Variants in ETV3L observed in about 807,000 individuals in gnomAD.
ETV3L encodes ETS translocation variant 3-like protein.
ETV3L carries 30 observed loss-of-function variants against 27.6 expected under a neutral mutation model. That is an observed-to-expected ratio of 1.09 (90% CI 0.81 to 1.48). The LOEUF is 1.48. Among genes scored for constraint, ETV3L ranks in the 40% most tolerant of loss-of-function variants. The pLI is 0.00. For missense variants in ETV3L, 443 were observed against 455.6 expected (o/e 0.97, Z 0.25); for synonymous variants, 186 against 188.9 (o/e 0.98, Z 0.12).
rs548190247 is a variant in ETV3L at position 157,098,756 on chromosome 1, C to G, written c.436G>C (p.Ala146Pro). 5.0e-6 allele frequency: 8 copies of G among 1,612,896 alleles called. No homozygotes were observed. In the East Asian group the frequency reaches 1.3e-4, roughly 27 times the overall value. Residue 146 changes from alanine (A) to proline (P), a missense_variant, in exon 3 of 5, where the codon GCC becomes CCC. Transcript: ENST00000454449. The part of the protein sequence containing the change: ...APPSPHLLLG[A>P]PALCRPALVP... ...AGCGCTGGCCGACACAGGGCAGGGGCCCCCAGCAGCAAGTGGGGGGATGGC... is the reference window on the plus strand; with the variant it reads ...AGCGCTGGCCGACACAGGGCAGGGGGCCCCAGCAGCAAGTGGGGGGATGGC...
chr1:157,099,500 C>T lies in ETV3L; in HGVS notation c.24G>A (p.Glu8=). MHCSCLA[E]GIPANPGNWI... is the part of the protein sequence containing the mutation. ...AGTTGCCGGGGTTGGCTGGGATGCC[C>T]TCAGCCAAGCAGCTGCAGTGCATGG... Residue 8 remains glutamate, a synonymous_variant, in exon 1 of 5, where the codon GAG becomes GAA. Transcript: ENST00000454449. 6.2e-7 allele frequency: 1 copy of T among 1,612,792 alleles called. No homozygotes were observed. The highest frequency in any genetic ancestry group is 8.5e-7 in the Non-Finnish European group (1 of 1,179,548).
chr1:157,092,303 C>G lies in ETV3L; in HGVS notation c.*346G>C, dbSNP rs1674131926. On this transcript the variant is annotated 3_prime_UTR_variant, in exon 5 of 5. Coordinates refer to ENST00000454449, the MANE Select transcript of ETV3L (RefSeq NM_001004341.2). The stretch of plus-strand genomic sequence containing the variant: ...CAAGACTCAGGGAACACAACCACCC[C>G]TGTCCTCTCCCCAGGCTAGACCCTT... 3 of 212,268 alleles carry G rather than the reference C, an allele frequency of 1.4e-5. No individual in the cohort carries two copies. Among genetic ancestry groups the G allele is most frequent in the Non-Finnish European group, 9.5e-6 (1 of 105,764 alleles). 13.1% of individuals were successfully genotyped at this position (212,268 alleles called of 1,614,324 possible).
chr1:157,098,719 C>T lies in ETV3L; in HGVS notation c.473G>A (p.Gly158Asp), dbSNP rs767395485. 7.5e-6 allele frequency: 12 copies of T among 1,603,884 alleles called. No individual in the cohort carries two copies. In the East Asian group the frequency reaches 2.2e-4, roughly 30 times the overall value. ...CTCCGCTCTTACCTCACTCTGCACACCCACGGGCACCAGCGCTGGCCGACA... is the reference window on the plus strand; with the variant it reads ...CTCCGCTCTTACCTCACTCTGCACATCCACGGGCACCAGCGCTGGCCGACA... The part of the protein sequence containing the change: ...ALCRPALVPV[G>D]VQSELLHSML... The change falls in exon 3 of 5, where the codon GGT becomes GAT. Residue 158 changes from glycine (G) to aspartate (D), a missense_variant. Physicochemically the swap from Gly to Asp is moderately conservative, Grantham distance 94. Coordinates refer to ENST00000454449, the MANE Select transcript of ETV3L (RefSeq NM_001004341.2).
At position 157,098,747 on chromosome 1, in the gene ETV3L, G is replaced by A; in HGVS notation, c.445C>T (p.Leu149=). 6.2e-7 allele frequency: 1 copy of A among 1,612,854 alleles called. No individual in the cohort carries two copies. The highest frequency in any genetic ancestry group is 8.5e-7 in the Non-Finnish European group (1 of 1,179,444). ...ACGGGCACCAGCGCTGGCCGACACA[G>A]GGCAGGGGCCCCCAGCAGCAAGTGG... ...SPHLLLGAPA[L]CRPALVPVGV... is the part of the protein sequence containing the mutation. Residue 149 remains leucine (L), a synonymous_variant, in exon 3 of 5, where the codon CTG becomes TTG. Transcript: ENST00000454449.
chr1:157,099,667 GGAAA>G lies in ETV3L; in HGVS notation c.-148_-145del, dbSNP rs1674305002. On this transcript the variant is annotated 5_prime_UTR_variant, in exon 1 of 5. It removes the in-frame stop codon of an upstream open reading frame in the 5' UTR. Coordinates refer to ENST00000454449, the MANE Select transcript of ETV3L (RefSeq NM_001004341.2). ...AAGAAGGAAGGAAGGGAGAGGGTCAGGAAAGAAAGAGAGAAAAGGGAAGGGACAA... is the reference window on the plus strand; with the variant it reads ...AAGAAGGAAGGAAGGGAGAGGGTCAGGAAAGAGAGAAAAGGGAAGGGACAA... 4.2e-6 allele frequency: 3 copies of G among 717,806 alleles called. No individual in the cohort carries two copies. The highest frequency in any genetic ancestry group is 2.8e-4 in the Middle Eastern group (1 of 3,636). The allele number at this position is 717,806 out of a possible 1,614,324, so 44.5% of individuals were successfully genotyped here. A position where few individuals can be genotyped will look rare whatever the true frequency, so the allele number is the denominator to read the frequency against.
chr1:157,098,889 G>GTAA lies in ETV3L; in HGVS notation c.300_302dup (p.Tyr102dup). On this transcript the variant is annotated inframe_insertion, in exon 3 of 5. Coordinates refer to ENST00000454449, the MANE Select transcript of ETV3L (RefSeq NM_001004341.2). The stretch of plus-strand genomic sequence containing the variant: ...TCTTATGCAGGATCCTCTTATTGTA[G>GTAA]TAATATCTGGAGAATTCGAAGTTGA... The GTAA allele has an allele frequency of 6.2e-7, 1 of 1,611,056 alleles. No individual in the cohort carries two copies. Among genetic ancestry groups the GTAA allele is most frequent in the Non-Finnish European group, 8.5e-7 (1 of 1,178,670 alleles).
chr1:157,094,084 G>A (rs1158373059), intron 4 of ETV3L, among the ~76,000 whole-genome samples: 1 of 152,188 alleles, frequency 6.6e-6, no homozygotes, highest in Non-Finnish European at 1.5e-5. Flanking sequence ...AATAAGGGAA[G>A]GATATTCTCT....
In ETV3L at chr1:157,098,801, A is replaced by G. The variant is rs1465776930; in HGVS notation, c.391T>C (p.Leu131=). 1.2e-6 allele frequency: 2 copies of G among 1,614,128 alleles called. No homozygotes were observed. The highest frequency in any genetic ancestry group is 1.7e-5 in the Admixed American group (1 of 60,014). Residue 131 remains leucine, a synonymous_variant, in exon 3 of 5, where the codon TTG becomes CTG. Transcript: ENST00000454449. ...GATGGCGGCGCCCGCACTTCCCACA[A>G]AGGATAGTTGACTACGATGAGCTTG... ...FSKLIVVNYP[L]WEVRAPPSPH...
chr1:157,092,722 T>C lies in ETV3L; in HGVS notation c.1013A>G (p.Lys338Arg). 2 of 1,614,158 alleles carry C rather than the reference T, an allele frequency of 1.2e-6. No homozygotes were observed. Among genetic ancestry groups the C allele is most frequent in the South Asian group, 1.1e-5 (1 of 91,086 alleles). ...EVFCPETRRLKTGEESLTSPN... is the reference protein window; with the variant it reads ...EVFCPETRRLRTGEESLTSPN... ...GGAAGTAAGGCTTTCCTCCCCAGTTTTGAGTCTGCGGGTCTCTGGGCAGAA... is the reference window on the plus strand; with the variant it reads ...GGAAGTAAGGCTTTCCTCCCCAGTTCTGAGTCTGCGGGTCTCTGGGCAGAA... The change falls in exon 5 of 5, where the codon AAA becomes AGA. Residue 338 changes from lysine to arginine, a missense_variant. Physicochemically the swap from Lys to Arg is conservative, Grantham distance 26. Transcript: ENST00000454449.
Position 157,092,731 on chromosome 1 carries a change from C to G in ETV3L, c.1004G>C (p.Arg335Pro). 6.2e-7 allele frequency: 1 copy of G among 1,614,130 alleles called. No individual in the cohort carries two copies. Among genetic ancestry groups the G allele is most frequent in the Non-Finnish European group, 8.5e-7 (1 of 1,180,006 alleles). The change falls in exon 5 of 5, where the codon CGC (arginine) becomes CCC (proline). Residue 335 changes from arginine (R) to proline (P), a missense_variant. Physicochemically the swap from Arg to Pro is moderately radical, Grantham distance 103 (BLOSUM62 -2). Transcript: ENST00000454449. ...DPREVFCPETRRLKTGEESLT... is the reference protein window; with the variant it reads ...DPREVFCPETPRLKTGEESLT... ...GCTTTCCTCCCCAGTTTTGAGTCTG[C>G]GGGTCTCTGGGCAGAAGACCTCCCT...
chr1:157,099,335 T>C lies in ETV3L; in HGVS notation c.102A>G (p.Pro34=). 6.2e-7 allele frequency: 1 copy of C among 1,614,148 alleles called. No homozygotes were observed. Among genetic ancestry groups the C allele is most frequent in the Non-Finnish European group, 8.5e-7 (1 of 1,180,028 alleles). Residue 34 remains proline (P), a synonymous_variant, in exon 2 of 5, where the codon CCA becomes CCG. Transcript: ENST00000454449. ...PDWAYKAESS[P]GSRQIQLWHF... The stretch of plus-strand genomic sequence containing the variant: ...GCCACAGCTGGATCTGCCGGGAGCC[T>C]GGGGACGACTCGGCTTTGTAGGCCC...
Position 157,099,641 on chromosome 1 carries a change from A to G in ETV3L, c.-118T>C. The G allele has an allele frequency of 2.4e-6, 2 of 839,958 alleles. No individual in the cohort carries two copies. 52.0% of individuals were successfully genotyped at this position (839,958 alleles called of 1,614,324 possible). On this transcript the variant is annotated 5_prime_UTR_variant, in exon 1 of 5. Coordinates refer to ENST00000454449, the MANE Select transcript of ETV3L (RefSeq NM_001004341.2). ...TGAAAGAGGAAGGAAAAATGGAGGG[A>G]AAGAAGGAAGGAAGGGAGAGGGTCA... is the stretch of plus-strand genomic sequence containing the variant.
At position 157,099,241 on chromosome 1, in the gene ETV3L, C is replaced by T. The variant is rs760688466; in HGVS notation, c.196G>A (p.Gly66Arg). The change falls in exon 2 of 5, where the codon GGG (glycine) becomes AGG (arginine). Residue 66 changes from glycine (G) to arginine (R), a missense_variant. Transcript: ENST00000454449. The part of the protein sequence containing the change: ...HVIAWQQGEY[G>R]EFVIKDPDEV... ...TCTGGATCCTTGATGACAAATTCCC[C>T]GTACTCTCCCTGCTGCCAGGCGATG... 1.4e-5 allele frequency: 22 copies of T among 1,613,792 alleles called. No individual in the cohort carries two copies. The highest frequency in any genetic ancestry group is 2.7e-5 in the African/African-American group (2 of 74,914).
chr1:157,095,697 A>C (rs1343447146), intron 4 of ETV3L, among the ~76,000 whole-genome samples: 2 of 152,050 alleles, frequency 1.3e-5, no homozygotes, highest in Non-Finnish European at 2.9e-5. Context: ...AGGACTGTTC[A>C]GGTGCTATTT....
chr1:157,097,874 C>A lies in ETV3L; in HGVS notation c.601G>T (p.Val201Phe), dbSNP rs202076672. Reference protein sequence around the residue: ...SGDKKGSSSSVYRLGSAPGPC... With the variant: ...SGDKKGSSSSFYRLGSAPGPC... ...CCCAGCCTTGAGCACTCACGGTAGACGCTGCTGCTGCTCCCCTTCTTATCC... is the reference window on the plus strand; with the variant it reads ...CCCAGCCTTGAGCACTCACGGTAGAAGCTGCTGCTGCTCCCCTTCTTATCC... The change falls in exon 4 of 5, where the codon GTC becomes TTC. Residue 201 changes from valine to phenylalanine, a missense_variant. Transcript: ENST00000454449. The A allele has an allele frequency of 1.2e-6, 2 of 1,612,448 alleles. No homozygotes were observed. Among genetic ancestry groups the A allele is most frequent in the Non-Finnish European group, 1.7e-6 (2 of 1,179,620 alleles).
intron 4 of ETV3L, among the ~76,000 whole-genome samples, chr1:157,095,547 CTTTCTTTTTTTT>C (rs1411276844): frequency 7.0e-6 from 1 of 143,534 alleles, no homozygotes; most frequent in Non-Finnish European, 1.5e-5. Context: ...TTCTTTCTTT[CTTTCTTTTTTTT>C]TTTCTACCAC....
rs186689441 is a variant in ETV3L, at chr1:157,098,339, G to A, written c.487-351C>T. On this transcript the variant is annotated intron_variant, in intron 3 of 4. Transcript: ENST00000454449. ...TCGAACTCCTGACCTCAAATGATCC[G>A]TCCACCTCGTCCTCCCAAAGTGCTG... 7.4e-3 allele frequency among the ~76,000 whole-genome samples: 1,113 copies of A among 151,164 alleles called. 8 individuals are homozygous for A. Among genetic ancestry groups the A allele is most frequent in the South Asian group, 0.013 (62 of 4,826 alleles).
chr1:157,092,964 T>C lies in ETV3L; in HGVS notation c.771A>G (p.Ser257=), dbSNP rs2103181287. The C allele has an allele frequency of 6.2e-7, 1 of 1,613,950 alleles. No homozygotes were observed. Among genetic ancestry groups the C allele is most frequent in the East Asian group, 2.2e-5 (1 of 44,880 alleles). ...TAAAAGCCCCTGGGAGCTGCTGCTCTGACGGGAGAGGAGGCAAGAAGGGCC... is the reference window on the plus strand; with the variant it reads ...TAAAAGCCCCTGGGAGCTGCTGCTCCGACGGGAGAGGAGGCAAGAAGGGCC... ...LSGPFLPPLP[S]EQQLPGAFKP... The change falls in exon 5 of 5, where the codon TCA becomes TCG. Residue 257 remains serine, a synonymous_variant. Transcript: ENST00000454449.
intron 4 of ETV3L, among the ~76,000 whole-genome samples, chr1:157,095,448 T>C (rs1240120713): frequency 6.6e-6 from 1 of 152,038 alleles, no homozygotes; most frequent in East Asian, 1.9e-4. Context: ...GGCCAAAGCA[T>C]AGGCAGGGCA....
Sources: gnomAD v4.1 joint callset for allele counts (sites outside exome capture counted in the v4.1 genomes callset) on GRCh38, gnomAD v4.1.1 for gene constraint, MANE v1.5 for transcripts, NCBI Gene and HGNC (gene_info 2026-07-23, HGNC 2026-07-21) for gene names.